The following ATP13A4 variants were observed in gnomAD, a reference collection of about 807,000 sequenced individuals.
The protein encoded by ATP13A4 is ATPase 13A4.
ATP13A4 carries 114 observed loss-of-function variants against 142.5 expected under a neutral mutation model. The ratio of observed to expected loss-of-function variants is 0.80; its 90% CI spans 0.69 to 0.93. ATP13A4 has a LOEUF of 0.93. ATP13A4 is among the 40% of genes least tolerant of loss of function. The pLI, the probability that ATP13A4 is intolerant of heterozygous loss-of-function variation, is 0.00. For missense variants in ATP13A4, 1,392 were observed against 1,454.0 expected (o/e 0.96, Z 0.69); for synonymous variants, 488 against 514.8 (o/e 0.95, Z 0.70).
Position 193,407,316 on chromosome 3 carries a change from G to T in ATP13A4, c.3375C>A (p.Ala1125=), listed in dbSNP as rs777706964. The change falls in exon 29 of 30, where the codon GCC becomes GCA. Residue 1125 remains alanine (A), a synonymous_variant. Coordinates refer to ENST00000342695, the MANE Select transcript of ATP13A4 (RefSeq NM_032279.4). ...AGCCCAAGATCAGCACACTTACCTCGGCCACAAGGGACACAATGAAATTCA... is the reference window on the plus strand; with the variant it reads ...AGCCCAAGATCAGCACACTTACCTCTGCCACAAGGGACACAATGAAATTCA... ...LSLNFIVSLV[A]EEAVIENRAL... 1.9e-6 allele frequency: 3 copies of T among 1,610,600 alleles called. No homozygotes were observed. The Admixed American group carries it at 5.0e-5, about 27-fold the overall frequency.
At position 193,493,101 on chromosome 3, in the gene ATP13A4, G is replaced by A. The variant is rs779602841; in HGVS notation, c.441C>T (p.Phe147=). ...CTAAAACAACTTACCCAATTTTCTGGAACTGTCCTTCTAAGTAGTTCCAAA... is the reference window on the plus strand; with the variant it reads ...CTAAAACAACTTACCCAATTTTCTGAAACTGTCCTTCTAAGTAGTTCCAAA... ...RYVWNYLEGQ[F]QKIGSLEDWL... is the part of the protein sequence containing the mutation. Residue 147 remains phenylalanine, a synonymous_variant, in exon 4 of 30, where the codon TTC becomes TTT. Transcript: ENST00000342695. 21 of 1,613,188 alleles carry A rather than the reference G, an allele frequency of 1.3e-5. No homozygotes were observed. In the South Asian group the frequency reaches 2.3e-4, roughly 18 times the overall value.
intron 7 of ATP13A4, among the ~76,000 whole-genome samples, chr3:193,485,070 G>A (rs958064127): frequency 7.9e-5 from 12 of 151,756 alleles, no homozygotes; most frequent in African/African-American, 2.7e-4. Context: ...TCTGAGGTTC[G>A]AAAAAAAGAC....
chr3:193,441,383 G>T, intron 20 of ATP13A4, 83 bp downstream of exon 20: 4 of 1,546,626 alleles, frequency 2.6e-6, no homozygotes, highest in Non-Finnish European at 3.6e-6. Context: ...CCTGTCTCAA[G>T]ATTTGAAATA....
chr3:193,427,587 C>A (rs192649636), intron 25 of ATP13A4, among the ~76,000 whole-genome samples: 1 of 152,180 alleles, frequency 6.6e-6, no homozygotes, highest in Admixed American at 6.5e-5. Context: ...GAGCATGGTA[C>A]AGAGATATAG....
chr3:193,537,322 C>T (rs907781524), intron 1 of ATP13A4, among the ~76,000 whole-genome samples: 7 of 151,918 alleles, frequency 4.6e-5, no homozygotes, highest in African/African-American at 1.2e-4. Flanking sequence ...TTGACACATA[C>T]GCAAAAGCAA....
chr3:193,484,349 A>AT (rs1378701374), intron 7 of ATP13A4, among the ~76,000 whole-genome samples: 18 of 151,254 alleles, frequency 1.2e-4, no homozygotes. Context: ...AAATAAATAA[A>AT]TAAATAAGGA....
intron 26 of ATP13A4, among the ~76,000 whole-genome samples, chr3:193,412,967 G>A (rs1035954945): frequency 1.3e-5 from 2 of 152,108 alleles, no homozygotes; most frequent in Non-Finnish European, 2.9e-5. Flanking sequence ...AGGTTGCAGT[G>A]AGCCTAGAAC....
At chr3:193,514,662 G>T in intron 2 of ATP13A4, 36 bp downstream of exon 2, 1 of 1,593,538 alleles carries the variant, frequency 6.3e-7, no homozygotes, top group East Asian at 2.6e-5. Flanking sequence ...AGAAACAAAA[G>T]GGGGGCACCA....
At chr3:193,504,315 T>C (rs1720739600) in intron 2 of ATP13A4, among the ~76,000 whole-genome samples, 1 of 152,158 alleles carries the variant, frequency 6.6e-6, no homozygotes, top group African/African-American at 2.4e-5. Flanking sequence ...GGCAACCAAC[T>C]CTCTTGAACA....
Position 193,402,806 on chromosome 3 carries a change from T to C in ATP13A4, c.3437A>G (p.Gln1146Arg). ...CCATATCCGATACTGGCTTTTTGAC[T>C]GATAGCCGAAACATCTTTTAATCAT... Reference protein sequence around the residue: ...WMMIKRCFGYQSKSQYRIWQR... With the variant: ...WMMIKRCFGYRSKSQYRIWQR... The change falls in exon 30 of 30, where the codon CAG becomes CGG. Residue 1146 changes from glutamine to arginine, a missense_variant. Physicochemically the swap from Gln to Arg is conservative, Grantham distance 43 (BLOSUM62 1). Coordinates refer to ENST00000342695, the MANE Select transcript of ATP13A4 (RefSeq NM_032279.4). 1 of 1,614,210 alleles carries C rather than the reference T, an allele frequency of 6.2e-7. No individual in the cohort carries two copies. The highest frequency in any genetic ancestry group is 8.5e-7 in the Non-Finnish European group (1 of 1,180,018).
At chr3:193,587,039 T>C (rs955319560) in intron 1 of ATP13A4, among the ~76,000 whole-genome samples, 1 of 152,226 alleles carries the variant, frequency 6.6e-6, no homozygotes, top group Non-Finnish European at 1.5e-5. Context: ...TGTTGAGCTT[T>C]TGCACATCTT....
At chr3:193,545,973 TTGTGTGTGTGTGTGTG>T (rs3053200) in intron 1 of ATP13A4, among the ~76,000 whole-genome samples, 9,543 of 143,360 alleles carry the variant, frequency 0.067, 348 homozygotes, top group Middle Eastern at 0.1. Context: ...AATGTTTAAA[TTGTGTGTGTGTGTGTG>T]TGTGTGTGTG....
intron 2 of ATP13A4, among the ~76,000 whole-genome samples, chr3:193,566,483 T>TATGCAGCCCGGAAC (rs1724137508): frequency 6.6e-6 from 1 of 152,146 alleles, no homozygotes; most frequent in Non-Finnish European, 1.5e-5. Context: ...CCCGGAACCT[T>TATGCAGCCCGGAAC]CTTTGCTGGG....
Position 193,463,205 on chromosome 3 carries a change from C to T in ATP13A4, c.1462-382G>A, listed in dbSNP as rs537013788. Among the ~76,000 whole-genome samples, 4 of 152,058 alleles carry T rather than the reference C, an allele frequency of 2.6e-5. No homozygotes were observed. The South Asian group carries it at 8.3e-4, about 32-fold the overall frequency. ...TAATCTTTTCAAACTTTAGTGTCCT[C>T]CATAACAACAACAAAAAAAGTATCT... On this transcript the variant is annotated intron_variant, in intron 12 of 29. Coordinates refer to ENST00000342695, the MANE Select transcript of ATP13A4 (RefSeq NM_032279.4).
intron 1 of ATP13A4, among the ~76,000 whole-genome samples, chr3:193,517,638 G>A (rs540360212): frequency 2.6e-5 from 4 of 152,020 alleles, no homozygotes; most frequent in South Asian, 2.1e-4. Flanking sequence ...CCGCCACCAC[G>A]CCCGGCTAAT....
At chr3:193,586,491 C>T (rs1458846182) in intron 1 of ATP13A4, among the ~76,000 whole-genome samples, 1 of 152,162 alleles carries the variant, frequency 6.6e-6, no homozygotes, top group East Asian at 1.9e-4. Flanking sequence ...CCAGTTTATA[C>T]AATTTTTGTG....
chr3:193,564,550 G>A (rs1469918091), intron 2 of ATP13A4, among the ~76,000 whole-genome samples: 8 of 152,148 alleles, frequency 5.3e-5, no homozygotes. Context: ...AAGAGTAAAG[G>A]CTGCAGTCAT....
At chr3:193,534,150 T>A (rs1326855613) in intron 1 of ATP13A4, among the ~76,000 whole-genome samples, 1 of 152,170 alleles carries the variant, frequency 6.6e-6, no homozygotes, top group Non-Finnish European at 1.5e-5. Flanking sequence ...CTTGCCATCT[T>A]CAAATATCAA....
At chr3:193,465,251 G>C (rs1052912064) in intron 11 of ATP13A4, 123 bp from the exon 12 acceptor site, 1 of 989,148 alleles carries the variant, frequency 1.0e-6, no homozygotes, top group Non-Finnish European at 1.5e-6. Flanking sequence ...ACAGTGGTGT[G>C]ATCTCAGCTC....
Sources: gnomAD v4.1 joint callset for allele counts (sites outside exome capture counted in the v4.1 genomes callset) on GRCh38, gnomAD v4.1.1 for gene constraint, MANE v1.5 for transcripts, NCBI Gene and HGNC (gene_info 2026-07-23, HGNC 2026-07-21) for gene names.